The following RAB12 variants were observed in gnomAD, a reference collection of about 807,000 sequenced individuals.
The protein encoded by RAB12 is ras-related protein Rab-12.
In RAB12, 11 loss-of-function variants were observed where a neutral mutation model predicts 28.4. The ratio of observed to expected loss-of-function variants is 0.39; its 90% CI spans 0.24 to 0.64. The LOEUF is 0.64. Ranked by LOEUF, RAB12 falls within the 30% of genes least tolerant of loss-of-function variation. RAB12 has a pLI of 0.50. For synonymous variants in RAB12, 138 were observed against 145.3 expected, an observed-to-expected ratio of 0.95 and a Z score of 0.36; for missense variants, 276 against 351.1, an observed-to-expected ratio of 0.79 and a Z score of 1.71.
At chr18:8,630,565 G>T (rs530865868) in intron 2 of RAB12, among the ~76,000 whole-genome samples, 24 of 152,302 alleles carry the variant, frequency 1.6e-4, no homozygotes, top group Admixed American at 1.6e-3. Flanking sequence ...AGCCTTTCAG[G>T]TTAAATTTTA....
chr18:8,628,947 T>C (rs527382532), intron 2 of RAB12, among the ~76,000 whole-genome samples: 1 of 152,352 alleles, frequency 6.6e-6, no homozygotes, highest in East Asian at 1.9e-4. Context: ...TTAAAGTATG[T>C]AATTCCTAAA....
chr18:8,639,194 G>GTTTTTTTTTTTTTTTTTTTTTTT lies in RAB12; in HGVS notation c.*933_*934insTTTTTTTTTTTTTTTTTTTTTTT. ...TTTTTTTTTTTTTTTTTTTTTTTTG[G>GTTTTTTTTTTTTTTTTTTTTTTT]TCTGATGATGAATTTGTGAACTCTA... On this transcript the variant is annotated 3_prime_UTR_variant, in exon 6 of 6. Transcript: ENST00000649141. The GTTTTTTTTTTTTTTTTTTTTTTT allele has an allele frequency of 4.2e-5, 1 of 23,682 alleles. No individual in the cohort carries two copies. The highest frequency in any genetic ancestry group is 8.8e-5 in the Non-Finnish European group (1 of 11,420). 1.5% of individuals were successfully genotyped at this position (23,682 alleles called of 1,614,324 possible).
intron 5 of RAB12, 44 bp downstream of exon 5, chr18:8,636,401 CTGT>C (rs2096018976): frequency 2.6e-6 from 3 of 1,168,122 alleles, no homozygotes; most frequent in Non-Finnish European, 3.7e-6. Flanking sequence ...CATCTGAAAC[CTGT>C]TGTTTCCTTT....
At chr18:8,621,380 A>G (rs1282509160) in intron 1 of RAB12, among the ~76,000 whole-genome samples, 1 of 152,248 alleles carries the variant, frequency 6.6e-6, no homozygotes, top group Non-Finnish European at 1.5e-5. Context: ...TTTCTAAGCC[A>G]AAAATTGGAT....
At chr18:8,632,282 C>CAAA (rs397859076) in intron 2 of RAB12, among the ~76,000 whole-genome samples, 1 of 58,800 alleles carries the variant, frequency 1.7e-5, no homozygotes, top group Non-Finnish European at 3.8e-5. Flanking sequence ...ACTCTGTCTC[C>CAAA]AAAAAAAAAA....
At position 8,638,174 on chromosome 18, in the gene RAB12, A is replaced by G. The variant is rs2096020030; in HGVS notation, c.935A>G (p.Glu312Gly). 1 of 1,613,180 alleles carries G rather than the reference A, an allele frequency of 6.2e-7. No homozygotes were observed. The highest frequency in any genetic ancestry group is 1.3e-5 in the African/African-American group (1 of 74,794). Residue 312 changes from glutamate to glycine, a missense_variant, in exon 6 of 6, where the codon GAG (glutamate) becomes GGG (glycine). Coordinates refer to ENST00000649141, the MANE Select transcript of RAB12 (RefSeq NM_001025300.3). ...KKMPLDILRN[E>G]LSNSILSLQP... Reference sequence around the variant, plus strand: ...ATGCCTCTGGATATTTTAAGGAATGAGTTGTCCAATAGTATCCTGTCGTTA... The same window carrying G: ...ATGCCTCTGGATATTTTAAGGAATGGGTTGTCCAATAGTATCCTGTCGTTA...
intron 1 of RAB12, among the ~76,000 whole-genome samples, chr18:8,623,993 C>T (rs981996555): frequency 9.2e-5 from 14 of 152,238 alleles, no homozygotes; most frequent in African/African-American, 3.4e-4. Context: ...CATTGGTGCC[C>T]AGAGACGGGC....
In RAB12 at chr18:8,620,181, C is replaced by CT. The variant is rs1397103557; in HGVS notation, c.515-4756dup. Among the ~76,000 whole-genome samples the CT allele has an allele frequency of 7.0e-5, 4 of 56,914 alleles. No homozygotes were observed. The Admixed American group carries it at 7.5e-4, about 11-fold the overall frequency. The allele number at this position is 56,914 out of a possible 152,430, so 37.3% of individuals were successfully genotyped here. A position where few individuals can be genotyped will look rare whatever the true frequency, so the allele number is the denominator to read the frequency against. ...TTTTTGCTTCAAAAAAAAAAAAAGA[C>CT]TGACTTAAACAGAGCAGTCTAAGAC... On this transcript the variant is annotated intron_variant, in intron 1 of 5. Transcript: ENST00000649141.
intron 4 of RAB12, 103 bp from the exon 5 acceptor site, chr18:8,636,150 C>T (rs920131090): frequency 7.9e-6 from 6 of 763,338 alleles, no homozygotes; most frequent in Non-Finnish European, 1.2e-5. Context: ...CTTTCTACCC[C>T]TTAATCCCAG....
In RAB12 at chr18:8,609,621, C is replaced by G. The variant is rs1402939508; in HGVS notation, c.182C>G (p.Ala61Gly). Reference protein sequence around the residue: ...PLQRAEAEPGADPPRAAEAEG... With the variant: ...PLQRAEAEPGGDPPRAAEAEG... ...CAGCGGGCGGAAGCCGAGCCCGGGGCCGACCCCCCGCGCGCGGCGGAGGCC... is the reference window on the plus strand; with the variant it reads ...CAGCGGGCGGAAGCCGAGCCCGGGGGCGACCCCCCGCGCGCGGCGGAGGCC... The change falls in exon 1 of 6, where the codon GCC becomes GGC. Residue 61 changes from alanine (A) to glycine (G), a missense_variant. By Grantham distance (60) the Ala-to-Gly change is moderately conservative (BLOSUM62 0). Transcript: ENST00000649141. 1 of 439,184 alleles carries G rather than the reference C, an allele frequency of 2.3e-6. No homozygotes were observed. The highest frequency in any genetic ancestry group is 2.2e-5 in the African/African-American group (1 of 46,072). 27.2% of individuals were successfully genotyped at this position (439,184 alleles called of 1,614,324 possible). A position where few individuals can be genotyped will look rare whatever the true frequency, so the allele number is the denominator to read the frequency against.
At chr18:8,633,162 G>C in intron 2 of RAB12, 27 bp from the exon 3 acceptor site, 1 of 1,613,642 alleles carries the variant, frequency 6.2e-7, no homozygotes, top group Non-Finnish European at 8.5e-7. Flanking sequence ...CATTATTTGG[G>C]AACTGACTTT....
chr18:8,617,813 C>A (rs910550771), intron 1 of RAB12, among the ~76,000 whole-genome samples: 1 of 152,144 alleles, frequency 6.6e-6, no homozygotes, highest in African/African-American at 2.4e-5. Flanking sequence ...AGCTTGGTTA[C>A]CTTAGGCAGT....
Position 8,638,520 on chromosome 18 carries a change from A to G in RAB12, c.*258A>G. 2.8e-6 allele frequency: 1 copy of G among 355,652 alleles called. No homozygotes were observed. The highest frequency in any genetic ancestry group is 5.1e-6 in the Non-Finnish European group (1 of 195,216). 22.0% of individuals were successfully genotyped at this position (355,652 alleles called of 1,614,324 possible). A position where few individuals can be genotyped will look rare whatever the true frequency, so the allele number is the denominator to read the frequency against. On this transcript the variant is annotated 3_prime_UTR_variant, in exon 6 of 6. Transcript: ENST00000649141. ...CACTGGGAAACCTAGTACTTCTAATATGAAGAATGGGAGAAATGAAAGGTA... is the reference window on the plus strand; with the variant it reads ...CACTGGGAAACCTAGTACTTCTAATGTGAAGAATGGGAGAAATGAAAGGTA...
At chr18:8,610,288 A>T (rs2096003039) in intron 1 of RAB12, among the ~76,000 whole-genome samples, 1 of 152,186 alleles carries the variant, frequency 6.6e-6, no homozygotes, top group African/African-American at 2.4e-5. Context: ...GAGCGCAGGC[A>T]GGCAGGGGAG....
intron 2 of RAB12, among the ~76,000 whole-genome samples, chr18:8,625,338 T>C (rs537080166): frequency 6.6e-6 from 1 of 152,386 alleles, no homozygotes; most frequent in African/African-American, 2.4e-5. Context: ...CATGTCTTTA[T>C]TTTGTATGAT....
chr18:8,610,895 T>C (rs2096003414), intron 1 of RAB12, among the ~76,000 whole-genome samples: 1 of 152,158 alleles, frequency 6.6e-6, no homozygotes. Context: ...AAAAGCATAA[T>C]TTCATGTAAT....
chr18:8,629,595 G>T (rs1348158333), intron 2 of RAB12, among the ~76,000 whole-genome samples: 2 of 152,198 alleles, frequency 1.3e-5, no homozygotes, highest in African/African-American at 4.8e-5. Flanking sequence ...GGCAGCAGGG[G>T]ATCCTCATAT....
intron 1 of RAB12, among the ~76,000 whole-genome samples, chr18:8,615,123 T>C (rs894433617): frequency 6.6e-6 from 1 of 152,266 alleles, no homozygotes; most frequent in Non-Finnish European, 1.5e-5. Flanking sequence ...AGTAGGGTAG[T>C]GCGAGTGACT....
chr18:8,625,965 C>T (rs1454329270), intron 2 of RAB12, among the ~76,000 whole-genome samples: 2 of 152,242 alleles, frequency 1.3e-5, no homozygotes, highest in Non-Finnish European at 2.9e-5. Flanking sequence ...GCAGCCAAGC[C>T]GCAGTGCCTG....
Sources: allele counts gnomAD v4.1 joint callset (sites outside exome capture counted in the v4.1 genomes callset), GRCh38; gene constraint gnomAD v4.1.1; transcripts MANE v1.5; gene names NCBI Gene and HGNC (gene_info 2026-07-23, HGNC 2026-07-21).